INTS9: variants seen among roughly 807,000 people sequenced by gnomAD.
INTS9 encodes the protein integrator complex subunit 9.
A neutral mutation model predicts 79.7 loss-of-function variants in INTS9; 55 were observed. That is an observed-to-expected ratio of 0.69 (90% CI 0.56 to 0.86). INTS9 has a LOEUF of 0.86. Ranked by LOEUF, INTS9 falls within the 40% of genes least tolerant of loss-of-function variation. INTS9 has a pLI of 0.00. For synonymous variants in INTS9, 319 were observed against 325.2 expected (o/e 0.98, Z 0.20); for missense variants, 721 against 831.5 (o/e 0.87, Z 1.64).
intron 5 of INTS9, among the ~76,000 whole-genome samples, chr8:28,835,661 A>C (rs913727022): frequency 2.6e-5 from 4 of 152,224 alleles, no homozygotes; most frequent in Admixed American, 6.5e-5. Context: ...ATAGAAATCC[A>C]CAAGCCTGTT....
intron 2 of INTS9, among the ~76,000 whole-genome samples, chr8:28,856,121 G>C (rs569816718): frequency 3.9e-4 from 59 of 152,176 alleles, no homozygotes; most frequent in Non-Finnish European, 6.3e-4. Context: ...CTGGTGAGGA[G>C]GCTTTAGTAA....
At chr8:28,847,428 C>T (rs930964071) in intron 3 of INTS9, among the ~76,000 whole-genome samples, 1 of 151,922 alleles carries the variant, frequency 6.6e-6, no homozygotes, top group Non-Finnish European at 1.5e-5. Context: ...ACCACCTCCT[C>T]CACTACCACG....
chr8:28,805,354 G>GA (rs1804751130), intron 8 of INTS9, among the ~76,000 whole-genome samples: 1 of 151,892 alleles, frequency 6.6e-6, no homozygotes, highest in African/African-American at 2.4e-5. Flanking sequence ...TTAAATGTGA[G>GA]AAAAAAATTA....
Position 28,767,983 on chromosome 8 carries a change from AATAAGT to A in INTS9, c.*157_*162del. ...AGTTCTTGCCTGAAACAGTGCTGGG[AATAAGT>A]CCAGACCATTTCCCTCAAGAGCCAC... On this transcript the variant is annotated 3_prime_UTR_variant, in exon 17 of 17. Coordinates refer to ENST00000521022, the MANE Select transcript of INTS9 (RefSeq NM_018250.4). The A allele has an allele frequency of 1.5e-6, 1 of 682,158 alleles. No individual in the cohort carries two copies. The highest frequency in any genetic ancestry group is 2.5e-5 in the East Asian group (1 of 40,022). 42.3% of individuals were successfully genotyped at this position (682,158 alleles called of 1,614,324 possible). A position where few individuals can be genotyped will look rare whatever the true frequency, so the allele number is the denominator to read the frequency against.
intron 1 of INTS9, among the ~76,000 whole-genome samples, chr8:28,887,185 G>C (rs1318088090): frequency 3.3e-5 from 5 of 152,112 alleles, no homozygotes; most frequent in Non-Finnish European, 5.9e-5. Flanking sequence ...AATTAGCCAG[G>C]CAAAAAAGAG....
At position 28,813,574 on chromosome 8, in the gene INTS9, G is replaced by A; in HGVS notation, c.527C>T (p.Ser176Leu). The change falls in exon 7 of 17, where the codon TCA becomes TTA. Residue 176 changes from serine (S) to leucine (L), a missense_variant. By Grantham distance (145) the Ser-to-Leu change is moderately radical. This residue lies in a region of INTS9 where 291 missense variants were observed against 307.0 expected (regional missense o/e 0.95). Coordinates refer to ENST00000521022, the MANE Select transcript of INTS9 (RefSeq NM_018250.4). ...CATTGTATAGCATCTTCTCCAGGTT[G>A]AGACTTCCACTGCATCCTTGAGAGG... ...PSPLKDAVEV[S>L]TWRRCYTMQE... 6.2e-7 allele frequency: 1 copy of A among 1,613,730 alleles called. No homozygotes were observed. The highest frequency in any genetic ancestry group is 8.5e-7 in the Non-Finnish European group (1 of 1,179,696).
chr8:28,882,086 G>A (rs1313246183), intron 1 of INTS9, among the ~76,000 whole-genome samples: 1 of 146,172 alleles, frequency 6.8e-6, no homozygotes, highest in Non-Finnish European at 1.5e-5. Flanking sequence ...AGACATGGGA[G>A]ACTTTTCATT....
At chr8:28,845,666 T>C (rs1807464139) in intron 4 of INTS9, among the ~76,000 whole-genome samples, 1 of 152,150 alleles carries the variant, frequency 6.6e-6, no homozygotes, top group South Asian at 2.1e-4. Flanking sequence ...TTCAAACAGA[T>C]GGGGAATCAC....
chr8:28,852,701 T>C (rs1024823276), intron 2 of INTS9, among the ~76,000 whole-genome samples: 5 of 152,226 alleles, frequency 3.3e-5, no homozygotes, highest in African/African-American at 4.8e-5. Context: ...TGTTTAGAAA[T>C]AGTAAGTTGC....
chr8:28,799,115 C>T (rs1456113270), intron 8 of INTS9, among the ~76,000 whole-genome samples: 1 of 152,050 alleles, frequency 6.6e-6, no homozygotes, highest in South Asian at 2.1e-4. Context: ...GCCAACATAG[C>T]GAAACCCAGT....
intron 10 of INTS9, among the ~76,000 whole-genome samples, chr8:28,791,616 C>T (rs992714958): frequency 1.3e-5 from 2 of 152,154 alleles, no homozygotes; most frequent in African/African-American, 4.8e-5. Context: ...TACAGATATA[C>T]GTAGGTGTGT....
intron 10 of INTS9, among the ~76,000 whole-genome samples, chr8:28,789,484 G>A (rs906661401): frequency 2.2e-5 from 3 of 137,292 alleles, no homozygotes; most frequent in Middle Eastern, 3.8e-3. Flanking sequence ...AGATTATCAG[G>A]AAGAATGAAG....
At chr8:28,776,643 G>C (rs190132679) in intron 13 of INTS9, among the ~76,000 whole-genome samples, 3 of 152,016 alleles carry the variant, frequency 2.0e-5, no homozygotes, top group African/African-American at 4.8e-5. Flanking sequence ...CAGGCTGACC[G>C]GGCTGAGCTT....
chr8:28,775,857 T>C lies in INTS9; in HGVS notation c.1465A>G (p.Met489Val). 3 of 1,612,178 alleles carry C rather than the reference T, an allele frequency of 1.9e-6. No individual in the cohort carries two copies. The highest frequency in any genetic ancestry group is 1.3e-5 in the African/African-American group (1 of 74,986). Residue 489 changes from methionine (M) to valine (V), a missense_variant, in exon 14 of 17, where the codon ATG (methionine) becomes GTG (valine). Coordinates refer to ENST00000521022, the MANE Select transcript of INTS9 (RefSeq NM_018250.4). ...PPAQSHRMDLMIDCQPPAMSY... is the reference protein window; with the variant it reads ...PPAQSHRMDLVIDCQPPAMSY... ...ATGGCGGGGGGCTGGCAGTCGATCATGAGGTCCATCCTGTGGGACTGGGCT... is the reference window on the plus strand; with the variant it reads ...ATGGCGGGGGGCTGGCAGTCGATCACGAGGTCCATCCTGTGGGACTGGGCT...
intron 2 of INTS9, among the ~76,000 whole-genome samples, chr8:28,851,510 T>G (rs1004730316): frequency 6.6e-6 from 1 of 152,024 alleles, no homozygotes; most frequent in African/African-American, 2.4e-5. Flanking sequence ...CAATCTCGGC[T>G]CACTGCAACC....
chr8:28,882,876 T>C (rs574718742), intron 1 of INTS9, among the ~76,000 whole-genome samples: 2 of 152,350 alleles, frequency 1.3e-5, no homozygotes, highest in East Asian at 1.9e-4. Context: ...TCAGGGGCCA[T>C]TTAAACCTGT....
At chr8:28,772,114 G>C (rs1387970787) in intron 14 of INTS9, among the ~76,000 whole-genome samples, 1 of 152,154 alleles carries the variant, frequency 6.6e-6, no homozygotes, top group African/African-American at 2.4e-5. Context: ...CTCCTGCCTT[G>C]GCCTCCCAAG....
At chr8:28,838,027 T>G (rs1300016784) in intron 4 of INTS9, among the ~76,000 whole-genome samples, 1 of 151,928 alleles carries the variant, frequency 6.6e-6, no homozygotes, top group Non-Finnish European at 1.5e-5. Flanking sequence ...AGAACAGAAT[T>G]CTTCTGAATT....
intron 2 of INTS9, among the ~76,000 whole-genome samples, chr8:28,856,593 T>A (rs898518500): frequency 6.6e-6 from 1 of 152,200 alleles, no homozygotes; most frequent in Non-Finnish European, 1.5e-5. Flanking sequence ...TAGCTAATTT[T>A]AAAATTTTTG....
Sources: gnomAD v4.1 joint callset for allele counts (sites outside exome capture counted in the v4.1 genomes callset) on GRCh38, gnomAD v4.1.1 for gene constraint, gnomAD v4.1.1 regional missense constraint, MANE v1.5 for transcripts, NCBI Gene and HGNC (gene_info 2026-07-23, HGNC 2026-07-21) for gene names.